The following ENTREP2 variants were observed in gnomAD, a reference collection of about 807,000 sequenced individuals.
The protein encoded by ENTREP2 is endosomal transmembrane epsin interactor 2, also known as protein ENTREP2.
chr15:29,616,692 C>G, the ENTREP2 span, among the ~76,000 whole-genome samples: 1 of 152,148 alleles, frequency 6.6e-6, no homozygotes. Context: ...CCTTTACAGA[C>G]AAGTATTTTG....
the ENTREP2 span, among the ~76,000 whole-genome samples, chr15:29,566,876 C>CACACACACACAA: frequency 3.9e-5 from 6 of 151,956 alleles, no homozygotes; most frequent in African/African-American, 1.4e-4. Context: ...CACACACACA[C>CACACACACACAA]AGAGTCAGCT....
the ENTREP2 span, among the ~76,000 whole-genome samples, chr15:29,464,388 C>G: frequency 6.6e-6 from 1 of 152,158 alleles, no homozygotes; most frequent in African/African-American, 2.4e-5. Flanking sequence ...CACAATTTCA[C>G]TTTGACTCTG....
chr15:29,363,827 T>C, the ENTREP2 span, among the ~76,000 whole-genome samples: 3 of 152,320 alleles, frequency 2.0e-5, no homozygotes, highest in East Asian at 5.8e-4. Flanking sequence ...CTGGTTTCTC[T>C]AATAGGGCTA....
At chr15:29,499,542 ATT>A in the ENTREP2 span, among the ~76,000 whole-genome samples, 6 of 141,600 alleles carry the variant, frequency 4.2e-5, no homozygotes, top group Non-Finnish European at 4.7e-5. Flanking sequence ...CACTAGGCTA[ATT>A]TTTTTTTTTT....
chr15:29,300,186 GGATGGGTA>G, the ENTREP2 span, among the ~76,000 whole-genome samples: 1 of 150,130 alleles, frequency 6.7e-6, no homozygotes, highest in African/African-American at 2.5e-5. Flanking sequence ...ATGGATGGAT[GGATGGGTA>G]GGTAGGTGGG....
At chr15:29,434,943 T>G in the ENTREP2 span, among the ~76,000 whole-genome samples, 12 of 152,100 alleles carry the variant, frequency 7.9e-5, no homozygotes, top group Admixed American at 7.9e-4. Flanking sequence ...AAATGGGAGT[T>G]TGTGGCTCCC....
the ENTREP2 span, among the ~76,000 whole-genome samples, chr15:29,198,638 A>G: frequency 2.6e-4 from 40 of 152,378 alleles, no homozygotes; most frequent in Admixed American, 6.5e-4. Context: ...AAACATATTC[A>G]GTTCAATGAT....
the ENTREP2 span, among the ~76,000 whole-genome samples, chr15:29,373,016 T>C: frequency 6.6e-6 from 1 of 152,152 alleles, no homozygotes. Flanking sequence ...AACAGGTGAA[T>C]AATTTCAGAA....
the ENTREP2 span, among the ~76,000 whole-genome samples, chr15:29,491,828 G>A: frequency 0.017 from 2,651 of 152,266 alleles, 30 homozygotes; most frequent in South Asian, 0.038. Context: ...CCTCACAGTA[G>A]ACATTAAAGT....
At chr15:29,285,296 C>T in the ENTREP2 span, among the ~76,000 whole-genome samples, 1 of 152,172 alleles carries the variant, frequency 6.6e-6, no homozygotes, top group Non-Finnish European at 1.5e-5. Flanking sequence ...CTCTCCATGT[C>T]AGTACCAGCC....
chr15:29,195,286 C>A, the ENTREP2 span: 1 of 985,154 alleles, frequency 1.0e-6, no homozygotes. Flanking sequence ...GAGCCGCATC[C>A]TCTCTCTCTG....
At chr15:29,298,768 A>T in the ENTREP2 span, among the ~76,000 whole-genome samples, 1 of 152,210 alleles carries the variant, frequency 6.6e-6, no homozygotes, top group East Asian at 1.9e-4. Context: ...TTCAACAGTG[A>T]ATTAATTCTA....
At chr15:29,240,208 C>G in the ENTREP2 span, among the ~76,000 whole-genome samples, 304 of 151,976 alleles carry the variant, frequency 2.0e-3, 2 homozygotes, top group Middle Eastern at 0.024. Context: ...ACTAAAAATA[C>G]AAAAAATTAG....
chr15:29,575,325 A>C, the ENTREP2 span, among the ~76,000 whole-genome samples: 105,564 of 152,078 alleles, frequency 0.69, 36,870 homozygotes, highest in South Asian at 0.8. Flanking sequence ...CTATGAATAG[A>C]ATTTTTAAAA....
At chr15:29,638,483 G>A in the ENTREP2 span, among the ~76,000 whole-genome samples, 670 of 152,320 alleles carry the variant, frequency 4.4e-3, 8 homozygotes, top group African/African-American at 0.015. Context: ...CTGAATCAAG[G>A]TTTAAGAACA....
At chr15:29,639,343 G>A in the ENTREP2 span, among the ~76,000 whole-genome samples, 11 of 152,134 alleles carry the variant, frequency 7.2e-5, no homozygotes, top group African/African-American at 1.7e-4. Flanking sequence ...ATTATCTGTC[G>A]GTTTGTCTCT....
chr15:29,356,421 C>T, the ENTREP2 span, among the ~76,000 whole-genome samples: 1 of 148,986 alleles, frequency 6.7e-6, no homozygotes, highest in Admixed American at 6.7e-5. Context: ...ATTCTCCCAC[C>T]TCGCCTCCCG....
the ENTREP2 span, among the ~76,000 whole-genome samples, chr15:29,568,304 T>C: frequency 6.6e-6 from 1 of 152,086 alleles, no homozygotes; most frequent in African/African-American, 2.4e-5. Context: ...GTAAGCAGAG[T>C]GTGCTGTGTT....
the ENTREP2 span, among the ~76,000 whole-genome samples, chr15:29,165,830 C>A: frequency 6.6e-6 from 1 of 152,108 alleles, no homozygotes; most frequent in Non-Finnish European, 1.5e-5. Flanking sequence ...ATGAAGCCAG[C>A]ATCACCCTAA....
Sources: gnomAD v4.1 joint callset for allele counts (sites outside exome capture counted in the v4.1 genomes callset) on GRCh38, gnomAD v4.1.1 for gene constraint, MANE v1.5 for transcripts, NCBI Gene and HGNC (gene_info 2026-07-23, HGNC 2026-07-21) for gene names.